Variants in PRDM9 observed in about 807,000 individuals in gnomAD.
The protein encoded by PRDM9 is PR/SET domain 9.
In PRDM9, 47 loss-of-function variants were observed where a neutral mutation model predicts 55.6. The observed-to-expected ratio is 0.85, with a 90% CI of 0.67 to 1.08. The LOEUF (loss-of-function observed/expected upper bound fraction) is 1.08. Among genes scored for constraint, PRDM9 ranks in the 50% least tolerant of loss-of-function variants. PRDM9 has a pLI of 0.00. For synonymous variants in PRDM9, 312 were observed against 375.7 expected (o/e 0.83, Z 1.96); for missense variants, 867 against 1,040.3 (o/e 0.83, Z 2.29).
intron 6 of PRDM9, among the ~76,000 whole-genome samples, chr5:23,521,493 G>T (rs1462877010): frequency 4.6e-5 from 7 of 152,110 alleles, no homozygotes; most frequent in African/African-American, 9.7e-5. Context: ...GTGCGCCACT[G>T]TGCCCGGCTG....
chr5:23,519,456 C>G (rs752272220), intron 5 of PRDM9, among the ~76,000 whole-genome samples: 20 of 151,938 alleles, frequency 1.3e-4, no homozygotes, highest in Middle Eastern at 6.8e-3. Flanking sequence ...TTAACCTCCC[C>G]CTCCTGGGTT....
At chr5:23,525,366 G>A (rs1287821252) in intron 10 of PRDM9, among the ~76,000 whole-genome samples, 3 of 152,226 alleles carry the variant, frequency 2.0e-5, no homozygotes, top group Non-Finnish European at 4.4e-5. Context: ...GAGCACGGAG[G>A]TAAGTCTGAG....
At chr5:23,524,651 G>A (rs1471789461) in intron 10 of PRDM9, 124 bp downstream of exon 10, 2 of 1,389,162 alleles carry the variant, frequency 1.4e-6, no homozygotes, top group South Asian at 2.5e-5. Context: ...CAAATCAGTG[G>A]CTTCCAAAAT....
At chr5:23,516,337 C>A (rs567402501) in intron 4 of PRDM9, among the ~76,000 whole-genome samples, 2 of 152,188 alleles carry the variant, frequency 1.3e-5, no homozygotes, top group East Asian at 3.9e-4. Context: ...AGAAACACAA[C>A]TGATTTGGGG....
At chr5:23,520,584 TTGTTC>T (rs1218479259) in intron 5 of PRDM9, among the ~76,000 whole-genome samples, 1 of 152,062 alleles carries the variant, frequency 6.6e-6, no homozygotes. Flanking sequence ...AATCGTCTCT[TTGTTC>T]TGTTCCCAAT....
At position 23,522,512 on chromosome 5, in the gene PRDM9, A is replaced by G. The variant is rs867870562; in HGVS notation, c.611-102A>G. The G allele has an allele frequency of 4.7e-5, 74 of 1,588,478 alleles. No homozygotes were observed. The Middle Eastern group carries it at 1.0e-3, about 21-fold the overall frequency. On this transcript the variant is annotated intron_variant, in intron 7 of 10. Coordinates refer to ENST00000296682, the MANE Select transcript of PRDM9 (RefSeq NM_020227.4). ...CCCTTACTCTAATGAATTAGAGTAC[A>G]GGATTAGGGCTAAATAATGTGAATG...
Position 23,526,961 on chromosome 5 carries a change from A to C in PRDM9, c.1873A>C (p.Thr625Pro). 1 of 923,620 alleles carries C rather than the reference A, an allele frequency of 1.1e-6. No individual in the cohort carries two copies. The highest frequency in any genetic ancestry group is 1.6e-6 in the Non-Finnish European group (1 of 616,916). 57.2% of individuals were successfully genotyped at this position (923,620 alleles called of 1,614,324 possible). Residue 625 changes from threonine (T) to proline (P), a missense_variant, in exon 11 of 11, where the codon ACT becomes CCT. Around this residue, in one of 5 missense-constraint regions of PRDM9, gnomAD observed 27 missense variants for 50.0 expected, o/e 0.54. Transcript: ENST00000296682. ...CTTTAGCCGGCAGTCAGTCCTCCTC[A>C]CTCACCAGAGGAGACACACAGGGGA... ...RGFSRQSVLL[T>P]HQRRHTGEKP...
At position 23,514,005 on chromosome 5, in the gene PRDM9, C is replaced by T. The variant is rs189435004; in HGVS notation, c.302-3876C>T. On this transcript the variant is annotated intron_variant, in intron 4 of 10. Coordinates refer to ENST00000296682, the MANE Select transcript of PRDM9 (RefSeq NM_020227.4). ...AATAAGCAAGTGTTCTAAATTTCTC[C>T]GCATCTTCGCCAACACTTGCTATTT... Among the ~76,000 whole-genome samples the T allele has an allele frequency of 1.1e-4, 17 of 152,282 alleles. No individual in the cohort carries two copies. In the East Asian group the frequency reaches 2.5e-3, roughly 22 times the overall value.
chr5:23,522,223 G>T (rs1341604718), intron 6 of PRDM9, 81 bp from the exon 7 acceptor site: 1 of 1,209,026 alleles, frequency 8.3e-7, no homozygotes, highest in African/African-American at 1.5e-5. Context: ...CCAATTTGAT[G>T]GTAGATTTCA....
At chr5:23,518,547 G>A (rs1322183466) in intron 5 of PRDM9, among the ~76,000 whole-genome samples, 1 of 152,222 alleles carries the variant, frequency 6.6e-6, no homozygotes, top group Non-Finnish European at 1.5e-5. Context: ...GGTCCCAGAA[G>A]GAGATAGGGT....
At chr5:23,508,149 C>T (rs1265691268) in intron 1 of PRDM9, among the ~76,000 whole-genome samples, 1 of 152,068 alleles carries the variant, frequency 6.6e-6, no homozygotes, top group Non-Finnish European at 1.5e-5. Flanking sequence ...TCCAAATCTC[C>T]TTTACCTGAG....
rs771579910 is a variant in PRDM9, at chr5:23,526,932, G to A, written c.1844G>A (p.Arg615Gln). The part of the protein sequence containing the change: ...EKPYVCRECG[R>Q]GFSRQSVLLT... ...CCCTATGTCTGCAGGGAGTGTGGGC[G>A]GGGCTTTAGCCGGCAGTCAGTCCTC... is the stretch of plus-strand genomic sequence containing the variant. The change falls in exon 11 of 11, where the codon CGG becomes CAG. Residue 615 changes from arginine (R) to glutamine (Q), a missense_variant. Physicochemically the swap from Arg to Gln is conservative, Grantham distance 43. Transcript: ENST00000296682. 4 of 1,596,444 alleles carry A rather than the reference G, an allele frequency of 2.5e-6. No homozygotes were observed. Among genetic ancestry groups the A allele is most frequent in the East Asian group, 4.6e-5 (2 of 43,866 alleles).
intron 8 of PRDM9, 64 bp downstream of exon 8, chr5:23,522,949 G>T (rs546384627): frequency 5.2e-5 from 84 of 1,611,992 alleles, no homozygotes; most frequent in Non-Finnish European, 6.8e-5. Context: ...CTTTGGTGGG[G>T]CATAATCTTC....
chr5:23,523,740 C>T (rs1001580001), intron 9 of PRDM9, among the ~76,000 whole-genome samples: 5 of 152,004 alleles, frequency 3.3e-5, no homozygotes, highest in African/African-American at 1.2e-4. Flanking sequence ...ATGACTCAGC[C>T]CCTTTCCACA....
chr5:23,523,814 G>T (rs560567470), intron 9 of PRDM9, among the ~76,000 whole-genome samples: 1 of 152,262 alleles, frequency 6.6e-6, no homozygotes, highest in Admixed American at 6.5e-5. Flanking sequence ...ATGTTATTGG[G>T]CCAAGAGAAA....
upstream of PRDM9, chr5:23,507,298 G>A (rs1254326192): frequency 6.6e-6 from 1 of 152,404 alleles, no homozygotes; most frequent in African/African-American, 2.4e-5. Context: ...GCCCGACTCA[G>A]TCGCAAACAC....
Position 23,526,688 on chromosome 5 carries a change from A to G in PRDM9, c.1600A>G (p.Ser534Gly), listed in dbSNP as rs775317410. 1.9e-6 allele frequency: 3 copies of G among 1,614,282 alleles called. 1 individual carries two copies. The highest frequency in any genetic ancestry group is 2.2e-5 in the East Asian group (1 of 44,890). ...VKYGECGQGF[S>G]VKSDVITHQR... The stretch of plus-strand genomic sequence containing the variant: ...GTATGGAGAGTGTGGACAAGGTTTC[A>G]GTGTTAAATCAGATGTTATTACACA... The change falls in exon 11 of 11, where the codon AGT (serine) becomes GGT (glycine). Residue 534 changes from serine (S) to glycine (G), a missense_variant. Physicochemically the swap from Ser to Gly is moderately conservative, Grantham distance 56 (BLOSUM62 0). Transcript: ENST00000296682.
intron 6 of PRDM9, 110 bp from the exon 7 acceptor site, chr5:23,522,194 G>T: frequency 1.1e-6 from 1 of 936,048 alleles, no homozygotes. Context: ...GGACACTAGA[G>T]TATGTAGAAA....
At chr5:23,507,854 C>G (rs1440047400) in intron 1 of PRDM9, 142 bp downstream of exon 1, 8 of 152,116 alleles carry the variant, frequency 5.3e-5, no homozygotes, top group African/African-American at 1.9e-4. Flanking sequence ...CAGCATGAAA[C>G]CCCCAAAGTA....
Sources: allele counts gnomAD v4.1 joint callset (sites outside exome capture counted in the v4.1 genomes callset), GRCh38; gene constraint gnomAD v4.1.1; regional missense constraint gnomAD v4.1.1; transcripts MANE v1.5; gene names NCBI Gene and HGNC (gene_info 2026-07-23, HGNC 2026-07-21).